Variants in NUP210L observed in about 807,000 individuals in gnomAD.
The protein encoded by NUP210L is nucleoporin 210 like.
In NUP210L, 74 loss-of-function variants were observed where a neutral mutation model predicts 208.5. The observed-to-expected ratio is 0.35, with a 90% CI of 0.29 to 0.43. The LOEUF (loss-of-function observed/expected upper bound fraction) is 0.43, where lower values mean the gene tolerates loss of function less well. NUP210L is among the 20% of genes least tolerant of loss of function. The pLI is 1.00. For missense variants in NUP210L, 1,843 were observed against 2,289.4 expected (o/e 0.81, Z 3.98); for synonymous variants, 780 against 816.9 (o/e 0.95, Z 0.77).
chr1:154,010,174 AAGAG>A (rs1057179084), intron 34 of NUP210L, 53 bp from the exon 35 acceptor site: 7 of 1,562,234 alleles, frequency 4.5e-6, no homozygotes, highest in Admixed American at 1.9e-5. Context: ...AATTTGTAAA[AAGAG>A]AGACCATTAT....
chr1:154,084,550 C>T (rs983538031), intron 16 of NUP210L, among the ~76,000 whole-genome samples: 16 of 151,826 alleles, frequency 1.1e-4, no homozygotes, highest in Non-Finnish European at 4.4e-5. Flanking sequence ...CTATATTGTC[C>T]AGGCTGGTGG....
chr1:154,107,036 A>G (rs932820437), intron 12 of NUP210L, among the ~76,000 whole-genome samples: 1 of 152,226 alleles, frequency 6.6e-6, no homozygotes, highest in Non-Finnish European at 1.5e-5. Context: ...CCAGTGACCA[A>G]TCCTGGAGTG....
Position 154,058,078 on chromosome 1 carries a change from A to G in NUP210L, c.3107+11T>C. 1.2e-6 allele frequency: 2 copies of G among 1,613,960 alleles called. No individual in the cohort carries two copies. The highest frequency in any genetic ancestry group is 1.7e-6 in the Non-Finnish European group (2 of 1,179,894). Reference sequence around the variant, plus strand: ...TGCAGAGTGGGAAGGAAGTATTGAAATGGTACTTACGTCAGGGTGACAATG... The same window carrying G: ...TGCAGAGTGGGAAGGAAGTATTGAAGTGGTACTTACGTCAGGGTGACAATG... On this transcript the variant is annotated intron_variant, in intron 22 of 39. Coordinates refer to ENST00000368559, the Ensembl canonical transcript of NUP210L.
At chr1:154,135,945 A>G (rs1380026981) in exon 7 of NUP210L, 2 of 1,607,058 alleles carry the variant, frequency 1.2e-6, no homozygotes, top group Non-Finnish European at 8.5e-7. Flanking sequence ...CAATTCCAGT[A>G]TATAATGTTC....
chr1:154,131,255 G>C (rs1055694804), intron 7 of NUP210L, among the ~76,000 whole-genome samples: 2 of 144,468 alleles, frequency 1.4e-5, no homozygotes, highest in Admixed American at 7.1e-5. Flanking sequence ...CCGGGCAACA[G>C]AGCGAGACTC....
At chr1:153,997,513 G>C (rs1326901232) in intron 37 of NUP210L, among the ~76,000 whole-genome samples, 12 of 147,584 alleles carry the variant, frequency 8.1e-5, no homozygotes, top group Non-Finnish European at 1.5e-4. Flanking sequence ...TCTCACTCAG[G>C]CTGCAGTGCA....
chr1:154,083,834 A>T (rs1199086923), intron 16 of NUP210L, among the ~76,000 whole-genome samples: 1 of 151,926 alleles, frequency 6.6e-6, no homozygotes, highest in Non-Finnish European at 1.5e-5. Context: ...GTGGCACAGA[A>T]ACGGTGGTTT....
At chr1:154,039,147 T>C (rs1652719814) in intron 27 of NUP210L, among the ~76,000 whole-genome samples, 3 of 152,140 alleles carry the variant, frequency 2.0e-5, no homozygotes, top group Admixed American at 1.3e-4. Context: ...AATGTCCTTT[T>C]CTTTCAGATT....
At chr1:154,138,729 G>A (rs980954078) in intron 5 of NUP210L, among the ~76,000 whole-genome samples, 2 of 152,084 alleles carry the variant, frequency 1.3e-5, no homozygotes, top group East Asian at 3.8e-4. Context: ...AAAAACATTT[G>A]TTTTTCCCAA....
At chr1:154,140,666 C>CAAAAAAAAAAAAAAAAAAAA (rs1434093544) in intron 4 of NUP210L, among the ~76,000 whole-genome samples, 14 of 102,462 alleles carry the variant, frequency 1.4e-4, no homozygotes, top group South Asian at 3.0e-4. Flanking sequence ...GACTCCATCT[C>CAAAAAAAAAAAAAAAAAAAA]AAAAAAAAAA....
At chr1:154,001,014 G>A in exon 37 of NUP210L, 1 of 1,614,122 alleles carries the variant, frequency 6.2e-7, no homozygotes, top group South Asian at 1.1e-5. Context: ...AGTGAGGGGA[G>A]AGTGGCTATG....
chr1:154,021,015 C>T (rs1651526755), intron 32 of NUP210L, among the ~76,000 whole-genome samples: 1 of 151,850 alleles, frequency 6.6e-6, no homozygotes, highest in African/African-American at 2.4e-5. Context: ...GATCTCGGCT[C>T]ACTGCAACCT....
At chr1:154,046,127 G>A in exon 27 of NUP210L, 1 of 1,614,052 alleles carries the variant, frequency 6.2e-7, no homozygotes, top group Non-Finnish European at 8.5e-7. Flanking sequence ...CCAGTGGAAT[G>A]TGAGCCCAGG....
At chr1:154,012,433 C>G in intron 33 of NUP210L, 63 bp from the exon 34 acceptor site, 1 of 1,523,258 alleles carries the variant, frequency 6.6e-7, no homozygotes, top group Non-Finnish European at 9.0e-7. Context: ...CCTTCCAGAT[C>G]CACCCCTCAT....
At chr1:154,024,927 T>G (rs1056584854) in intron 30 of NUP210L, among the ~76,000 whole-genome samples, 28 of 137,826 alleles carry the variant, frequency 2.0e-4, no homozygotes, top group Non-Finnish European at 3.6e-4. Context: ...GATCTGTTTT[T>G]TTTTTTTTTT....
intron 5 of NUP210L, among the ~76,000 whole-genome samples, chr1:154,138,882 A>T (rs1658692129): frequency 6.6e-6 from 1 of 152,254 alleles, no homozygotes; most frequent in Admixed American, 6.5e-5. Context: ...ACTATCAATT[A>T]GGTATAAGTG....
chr1:154,070,740 T>G (rs370983727), intron 16 of NUP210L, among the ~76,000 whole-genome samples: 4 of 152,298 alleles, frequency 2.6e-5, no homozygotes, highest in African/African-American at 9.6e-5. Context: ...GTTTTGTTGA[T>G]GTAGGCATCA....
intron 17 of NUP210L, 48 bp downstream of exon 17, chr1:154,070,224 AC>A (rs1419910906): frequency 1.4e-6 from 2 of 1,424,224 alleles, no homozygotes; most frequent in Non-Finnish European, 1.9e-6. Context: ...AAACAAACAA[AC>A]AAAAAAACAC....
chr1:154,112,173 T>C (rs1455626552), intron 12 of NUP210L, among the ~76,000 whole-genome samples: 1,588 of 151,072 alleles, frequency 0.011, 38 homozygotes, highest in African/African-American at 0.038. Flanking sequence ...GTGATCTGCC[T>C]GCCTCAGCCT....
Sources: gnomAD v4.1 joint callset for allele counts (sites outside exome capture counted in the v4.1 genomes callset) on GRCh38, gnomAD v4.1.1 for gene constraint, MANE v1.5 for transcripts, NCBI Gene and HGNC (gene_info 2026-07-23, HGNC 2026-07-21) for gene names.